Variants in FLI1 observed in about 807,000 individuals in gnomAD.
FLI1 encodes Friend leukemia integration 1 transcription factor.
FLI1 carries 13 observed loss-of-function variants against 53.1 expected under a neutral mutation model. That is an observed-to-expected ratio of 0.24 (90% CI 0.16 to 0.39). FLI1 has a LOEUF of 0.39. Among genes scored for constraint, FLI1 ranks in the 10% least tolerant of loss-of-function variants. The probability of loss-of-function intolerance (pLI) is 1.00; values close to 1 mark genes in which losing one functional copy is unlikely to be tolerated. For missense variants in FLI1, 424 were observed against 600.5 expected, an observed-to-expected ratio of 0.71 and a Z score of 3.07; for synonymous variants, 244 against 236.7, an observed-to-expected ratio of 1.03 and a Z score of -0.28.
chr11:128,716,374 G>C (rs1939014786), intron 1 of FLI1, among the ~76,000 whole-genome samples: 1 of 152,144 alleles, frequency 6.6e-6, no homozygotes, highest in Non-Finnish European at 1.5e-5. Context: ...TGGGGGTGGG[G>C]GTGCTGTGGG....
In FLI1 at chr11:128,812,571, T is replaced by C. The variant is rs1044310861; in HGVS notation, c.*1583T>C. On this transcript the variant is annotated 3_prime_UTR_variant, in exon 9 of 9. Coordinates refer to ENST00000527786, the MANE Select transcript of FLI1 (RefSeq NM_002017.5). ...AAAAATCAGTGTGGTTTTTCATTGT[T>C]GTTGATGATGTTTGTAGTGTTTTTG... 8.9e-6 allele frequency: 2 copies of C among 223,874 alleles called. No homozygotes were observed. Among genetic ancestry groups the C allele is most frequent in the Non-Finnish European group, 1.8e-5 (2 of 112,086 alleles). The allele number at this position is 223,874 out of a possible 1,614,324, so 13.9% of individuals were successfully genotyped here. A position where few individuals can be genotyped will look rare whatever the true frequency, so the allele number is the denominator to read the frequency against.
At chr11:128,705,566 A>G (rs1260250498) in intron 1 of FLI1, among the ~76,000 whole-genome samples, 1 of 152,216 alleles carries the variant, frequency 6.6e-6, no homozygotes, top group African/African-American at 2.4e-5. Context: ...GAGGTTATAT[A>G]AAACACAAAG....
intron 1 of FLI1, among the ~76,000 whole-genome samples, chr11:128,729,184 T>C (rs1239548311): frequency 6.6e-6 from 1 of 152,188 alleles, no homozygotes; most frequent in Non-Finnish European, 1.5e-5. Context: ...AGAGACTTTG[T>C]TGTGCTCCAT....
rs755045136 is a variant in FLI1 at position 128,758,210 on chromosome 11, G to A, written c.114G>A (p.Gly38=). ...HLPKADMTAS[G]SPDYGQPHKI... ...CCAAGGCCGACATGACTGCCTCGGG[G>A]AGTCCTGACTACGGGCAGCCCCACA... The change falls in exon 2 of 9, where the codon GGG becomes GGA. Residue 38 remains glycine, a synonymous_variant. Transcript: ENST00000527786. 9 of 1,613,400 alleles carry A rather than the reference G, an allele frequency of 5.6e-6. No individual in the cohort carries two copies. Among genetic ancestry groups the A allele is most frequent in the Non-Finnish European group, 7.6e-6 (9 of 1,179,652 alleles).
At chr11:128,774,527 G>C (rs1196084757) in intron 4 of FLI1, among the ~76,000 whole-genome samples, 1 of 152,202 alleles carries the variant, frequency 6.6e-6, no homozygotes, top group African/African-American at 2.4e-5. Context: ...CAGGGTGGGT[G>C]TGTGGAGGTT....
At chr11:128,807,414 C>T (rs957593789) in intron 7 of FLI1, among the ~76,000 whole-genome samples, 175 bp downstream of exon 7, 2 of 152,198 alleles carry the variant, frequency 1.3e-5, no homozygotes, top group African/African-American at 2.4e-5. Context: ...GTACTGACAT[C>T]AAGTAGAGAC....
chr11:128,701,938 T>C (rs150234350), intron 1 of FLI1, among the ~76,000 whole-genome samples: 2 of 152,316 alleles, frequency 1.3e-5, no homozygotes, highest in African/African-American at 4.8e-5. Context: ...TGGGTATTCA[T>C]TGATGTTATG....
At chr11:128,730,431 G>T (rs1289315742) in intron 1 of FLI1, among the ~76,000 whole-genome samples, 2 of 152,184 alleles carry the variant, frequency 1.3e-5, no homozygotes, top group Admixed American at 6.5e-5. Flanking sequence ...GGAGCAAATC[G>T]GTGCTACTAA....
chr11:128,783,485 T>C (rs1941988757), intron 5 of FLI1, among the ~76,000 whole-genome samples: 1 of 152,254 alleles, frequency 6.6e-6, no homozygotes, highest in Non-Finnish European at 1.5e-5. Context: ...TGCCACTGTT[T>C]TTCCTTTCCA....
chr11:128,714,198 C>A (rs1162623596), intron 1 of FLI1, among the ~76,000 whole-genome samples: 2 of 131,746 alleles, frequency 1.5e-5, no homozygotes, highest in Admixed American at 8.0e-5. Flanking sequence ...TAACTCTTCA[C>A]TGGCCAGAAA....
At chr11:128,799,612 A>G (rs1591384287) in intron 5 of FLI1, among the ~76,000 whole-genome samples, 1 of 152,274 alleles carries the variant, frequency 6.6e-6, no homozygotes, top group African/African-American at 2.4e-5. Flanking sequence ...CTAACTGCCA[A>G]AATAATCCCC....
chr11:128,716,182 A>G (rs1159146006), intron 1 of FLI1, among the ~76,000 whole-genome samples: 1 of 152,236 alleles, frequency 6.6e-6, no homozygotes, highest in Non-Finnish European at 1.5e-5. Flanking sequence ...TCATAGCAAA[A>G]GCACCAGGAG....
chr11:128,720,676 C>G (rs1939215297), intron 1 of FLI1, among the ~76,000 whole-genome samples: 1 of 152,364 alleles, frequency 6.6e-6, no homozygotes, highest in South Asian at 2.1e-4. Context: ...CATAGGCTGT[C>G]TGATTTACAC....
At chr11:128,778,350 C>A (rs1253740843) in intron 4 of FLI1, among the ~76,000 whole-genome samples, 1 of 152,150 alleles carries the variant, frequency 6.6e-6, no homozygotes, top group African/African-American at 2.4e-5. Flanking sequence ...CCCCCTGTAC[C>A]CTCTCTCCAC....
At chr11:128,728,639 G>T (rs1027206044) in intron 1 of FLI1, among the ~76,000 whole-genome samples, 3 of 152,220 alleles carry the variant, frequency 2.0e-5, no homozygotes, top group African/African-American at 7.2e-5. Flanking sequence ...CTCCTGTTTT[G>T]CAGTAAGGGA....
intron 1 of FLI1, among the ~76,000 whole-genome samples, chr11:128,745,154 TAAC>T (rs1189138305): frequency 6.6e-6 from 1 of 151,892 alleles, no homozygotes; most frequent in Non-Finnish European, 1.5e-5. Flanking sequence ...GAGTCTTACA[TAAC>T]AAGAAGAAAA....
chr11:128,774,047 T>C (rs988912351), intron 4 of FLI1, among the ~76,000 whole-genome samples: 2 of 152,154 alleles, frequency 1.3e-5, no homozygotes, highest in African/African-American at 4.8e-5. Flanking sequence ...GGACCTGCTT[T>C]TCCTGGACTG....
intron 2 of FLI1, among the ~76,000 whole-genome samples, chr11:128,767,798 G>A (rs543080341): frequency 1.3e-5 from 2 of 150,202 alleles, no homozygotes; most frequent in East Asian, 3.9e-4. Flanking sequence ...TTGCCTGGCA[G>A]TGAGGCTAAA....
intron 7 of FLI1, among the ~76,000 whole-genome samples, chr11:128,808,830 G>C (rs911225700): frequency 1.3e-5 from 2 of 152,148 alleles, no homozygotes; most frequent in Non-Finnish European, 2.9e-5. Flanking sequence ...GCTGTCCGTT[G>C]TATCATTGAA....
Sources: gnomAD v4.1 joint callset for allele counts (sites outside exome capture counted in the v4.1 genomes callset) on GRCh38, gnomAD v4.1.1 for gene constraint, MANE v1.5 for transcripts, NCBI Gene and HGNC (gene_info 2026-07-23, HGNC 2026-07-21) for gene names.